FCHSD2: variants seen among roughly 807,000 people sequenced by gnomAD.
FCHSD2 encodes FCH and double SH3 domains 2.
A neutral mutation model predicts 108.1 loss-of-function variants in FCHSD2; 38 were observed. The observed-to-expected ratio is 0.35, with a 90% CI of 0.27 to 0.46. FCHSD2 has a LOEUF of 0.46. Among genes scored for constraint, FCHSD2 ranks in the 20% least tolerant of loss-of-function variants. FCHSD2 has a pLI of 1.00. For synonymous variants in FCHSD2, 279 were observed against 314.7 expected, an observed-to-expected ratio of 0.89 and a Z score of 1.20; for missense variants, 751 against 897.8, an observed-to-expected ratio of 0.84 and a Z score of 2.09.
chr11:72,976,311 A>C (rs1012745079), intron 8 of FCHSD2, among the ~76,000 whole-genome samples: 1 of 152,108 alleles, frequency 6.6e-6, no homozygotes, highest in Admixed American at 6.6e-5. Context: ...TTTTTTTAAG[A>C]GATGAGGTCT....
intron 10 of FCHSD2, chr11:72,900,188 T>G (rs1054638238): frequency 4.5e-6 from 5 of 1,115,342 alleles, no homozygotes; most frequent in Non-Finnish European, 5.3e-6. Flanking sequence ...CAACACCAGG[T>G]CCCACCCTTC....
At chr11:73,096,719 T>A (rs780503411) in intron 2 of FCHSD2, among the ~76,000 whole-genome samples, 3 of 152,008 alleles carry the variant, frequency 2.0e-5, no homozygotes, top group Non-Finnish European at 4.4e-5. Flanking sequence ...GATGTTACTG[T>A]GAGCTTGTCA....
intron 9 of FCHSD2, among the ~76,000 whole-genome samples, chr11:72,903,436 G>T (rs1218543985): frequency 1.3e-5 from 2 of 152,060 alleles, no homozygotes; most frequent in Non-Finnish European, 2.9e-5. Context: ...AGCCAGGATG[G>T]TCTCGATCTC....
rs180914478 is a variant in FCHSD2 at position 73,023,608 on chromosome 11, T to C, written c.166-7723A>G. The stretch of plus-strand genomic sequence containing the variant: ...GGGAATGCAAAATAGTATGGCCACT[T>C]TGAAAGACAGTTTTGAAATTTCTTA... On this transcript the variant is annotated intron_variant, in intron 3 of 19. Transcript: ENST00000409418. Among the ~76,000 whole-genome samples the C allele has an allele frequency of 4.0e-4, 61 of 152,292 alleles. 1 individual carries two copies. The highest frequency in any genetic ancestry group is 3.9e-3 in the Admixed American group (59 of 15,294).
At chr11:73,107,293 C>G (rs2135540150) in intron 2 of FCHSD2, among the ~76,000 whole-genome samples, 1 of 152,230 alleles carries the variant, frequency 6.6e-6, no homozygotes, top group Non-Finnish European at 1.5e-5. Flanking sequence ...TGTGATCTGC[C>G]CAGCTCGGCC....
At chr11:72,842,917 A>G in intron 16 of FCHSD2, 76 bp from the exon 17 acceptor site, 2 of 1,124,496 alleles carry the variant, frequency 1.8e-6, no homozygotes, top group Admixed American at 2.1e-5. Context: ...CTATGCTCAC[A>G]TGACAACTAA....
At chr11:72,942,591 TTTTAA>T (rs1199238516) in intron 8 of FCHSD2, among the ~76,000 whole-genome samples, 25 of 152,356 alleles carry the variant, frequency 1.6e-4, no homozygotes, top group Non-Finnish European at 2.6e-4. Context: ...TGTGAAGTTA[TTTTAA>T]TTTATCTTTA....
chr11:73,061,281 G>A (rs995318874), intron 3 of FCHSD2, among the ~76,000 whole-genome samples: 2 of 152,222 alleles, frequency 1.3e-5, no homozygotes, highest in African/African-American at 4.8e-5. Context: ...AACAGATACT[G>A]TGCTTGTCGC....
chr11:73,123,874 A>T (rs371486749), intron 2 of FCHSD2, among the ~76,000 whole-genome samples: 8 of 152,338 alleles, frequency 5.3e-5, no homozygotes, highest in African/African-American at 1.9e-4. Context: ...AAATCAAAAC[A>T]AGGTGGTCAA....
intron 2 of FCHSD2, among the ~76,000 whole-genome samples, chr11:73,096,282 T>C (rs1411312508): frequency 2.7e-5 from 4 of 150,568 alleles, no homozygotes; most frequent in African/African-American, 9.8e-5. Flanking sequence ...GGCTCACGTC[T>C]GTAATCCCAG....
At chr11:73,027,217 G>C (rs1214609704) in intron 3 of FCHSD2, among the ~76,000 whole-genome samples, 1 of 152,116 alleles carries the variant, frequency 6.6e-6, no homozygotes, top group Non-Finnish European at 1.5e-5. Flanking sequence ...CAAAACCATT[G>C]ATCACTGATA....
chr11:73,088,307 G>A lies in FCHSD2; in HGVS notation c.120-4567C>T, dbSNP rs187276589. 1.2e-3 allele frequency among the ~76,000 whole-genome samples: 179 copies of A among 152,254 alleles called. 1 individual carries two copies. The highest frequency in any genetic ancestry group is 4.1e-3 in the African/African-American group (172 of 41,552). ...CATGTTGTACAGGTTTGTAGCCTAG[G>A]AGCAATAGGCTATATCATATAGCTT... On this transcript the variant is annotated intron_variant, in intron 2 of 19. Coordinates refer to ENST00000409418, the MANE Select transcript of FCHSD2 (RefSeq NM_014824.3).
chr11:73,114,236 T>C (rs1007496524), intron 2 of FCHSD2, among the ~76,000 whole-genome samples: 1 of 152,022 alleles, frequency 6.6e-6, no homozygotes, highest in East Asian at 1.9e-4. Context: ...CAGAGGGTAC[T>C]GCAAGGCTAC....
At chr11:73,135,578 C>A (rs1328396328) in intron 2 of FCHSD2, among the ~76,000 whole-genome samples, 1 of 151,838 alleles carries the variant, frequency 6.6e-6, no homozygotes, top group Non-Finnish European at 1.5e-5. Context: ...TCTTAAAAAG[C>A]AAAGAGAAAA....
rs537450960 is a variant in FCHSD2 at position 73,076,736 on chromosome 11, G to T, written c.165+6959C>A. On this transcript the variant is annotated intron_variant, in intron 3 of 19. Coordinates refer to ENST00000409418, the MANE Select transcript of FCHSD2 (RefSeq NM_014824.3). Reference sequence around the variant, plus strand: ...AGTATTTTTTAAAGTAACCAGCAAGGGATAGCAGGTGGGAAGCTATAAATG... The same window carrying T: ...AGTATTTTTTAAAGTAACCAGCAAGTGATAGCAGGTGGGAAGCTATAAATG... Among the ~76,000 whole-genome samples the T allele has an allele frequency of 4.7e-4, 72 of 152,212 alleles. No homozygotes were observed. The South Asian group carries it at 0.015, about 31-fold the overall frequency.
intron 3 of FCHSD2, among the ~76,000 whole-genome samples, chr11:73,026,114 C>T (rs1858224097): frequency 6.6e-6 from 1 of 152,102 alleles, no homozygotes; most frequent in Non-Finnish European, 1.5e-5. Context: ...GTTGGGACTA[C>T]AGGTGTGTGC....
intron 4 of FCHSD2, among the ~76,000 whole-genome samples, chr11:73,003,233 T>C (rs527768471): frequency 7.0e-4 from 107 of 152,318 alleles, no homozygotes; most frequent in Non-Finnish European, 1.3e-3. Context: ...CACTTCACTA[T>C]ACTTTCATTT....
At chr11:72,849,065 C>CTGTA (rs1861219168) in intron 14 of FCHSD2, among the ~76,000 whole-genome samples, 1 of 152,326 alleles carries the variant, frequency 6.6e-6, no homozygotes, top group Middle Eastern at 3.4e-3. Flanking sequence ...CACCTTTTGG[C>CTGTA]TACACAGGGA....
chr11:73,096,987 A>ATTT (rs60223064), intron 2 of FCHSD2, among the ~76,000 whole-genome samples: 2,669 of 26,818 alleles, frequency 0.1, 847 homozygotes, highest in Non-Finnish European at 0.12. Flanking sequence ...TCATTGATGG[A>ATTT]TTTTTTTTTT....
Sources: gnomAD v4.1 joint callset for allele counts (sites outside exome capture counted in the v4.1 genomes callset) on GRCh38, gnomAD v4.1.1 for gene constraint, MANE v1.5 for transcripts, NCBI Gene and HGNC (gene_info 2026-07-23, HGNC 2026-07-21) for gene names.